The following THOC2 variants were observed in gnomAD, a reference collection of about 807,000 sequenced individuals.
The protein encoded by THOC2 is THO complex 2.
Under a neutral mutation model 128.4 loss-of-function variants are expected in THOC2, and 10 were observed. That is an observed-to-expected ratio of 0.08 (90% CI 0.05 to 0.13). The LOEUF is 0.13. Among genes scored for constraint, THOC2 ranks in the 10% least tolerant of loss-of-function variants. The probability of loss-of-function intolerance (pLI) is 1.00; values close to 1 mark genes in which losing one functional copy is unlikely to be tolerated. For missense variants in THOC2, 535 were observed against 1,155.7 expected (o/e 0.46, Z 7.79); for synonymous variants, 393 against 396.9 (o/e 0.99, Z 0.12).
chrX:123,704,863 AAAAAG>A (rs376537209), intron 3 of THOC2, among the ~76,000 whole-genome samples: 45 of 111,654 alleles, frequency 4.0e-4, no homozygotes, highest in African/African-American at 7.8e-4. Context: ...GTCTTGGAGA[AAAAAG>A]AAAAGAAAAG....
At chrX:123,715,457 G>T (rs2051364543) in intron 1 of THOC2, among the ~76,000 whole-genome samples, 1 of 110,618 alleles carries the variant, frequency 9.0e-6, no homozygotes, top group Non-Finnish European at 1.9e-5. Flanking sequence ...AAAGATTAGG[G>T]CAGAAACAAC....
intron 33 of THOC2, among the ~76,000 whole-genome samples, chrX:123,615,181 T>A (rs188423572): frequency 9.0e-6 from 1 of 111,609 alleles, no homozygotes; most frequent in African/African-American, 3.2e-5. Context: ...AACTACACAA[T>A]GCTAGATACA....
chrX:123,682,649 T>C (rs900899167), intron 8 of THOC2, among the ~76,000 whole-genome samples: 2 of 112,097 alleles, frequency 1.8e-5, no homozygotes, highest in African/African-American at 6.5e-5. Context: ...CTTATCTTGC[T>C]CTGTATTTTT....
chrX:123,720,487 T>C (rs990310809), intron 1 of THOC2, among the ~76,000 whole-genome samples: 15 of 111,683 alleles, frequency 1.3e-4, no homozygotes, highest in Non-Finnish European at 1.5e-4. Context: ...GCAATTGTTA[T>C]GAAAAACAGT....
intron 12 of THOC2, among the ~76,000 whole-genome samples, chrX:123,658,593 A>G (rs2048702004): frequency 8.9e-6 from 1 of 112,546 alleles, no homozygotes; most frequent in Admixed American, 9.5e-5. Context: ...GAAAGAAAAC[A>G]ATCTGAAAAG....
intron 8 of THOC2, among the ~76,000 whole-genome samples, chrX:123,680,591 C>T (rs180764469): frequency 1.8e-5 from 2 of 110,446 alleles, no homozygotes; most frequent in African/African-American, 6.6e-5. Context: ...TTCCACCTAA[C>T]GAAAAACACC....
chrX:123,691,408 G>T (rs2050217204), intron 7 of THOC2, among the ~76,000 whole-genome samples: 1 of 111,691 alleles, frequency 9.0e-6, no homozygotes, highest in Non-Finnish European at 1.9e-5. Flanking sequence ...AATAAGATGT[G>T]TCTAAGTTGA....
chrX:123,610,539 A>T (rs1286700972), intron 38 of THOC2, among the ~76,000 whole-genome samples: 3 of 112,005 alleles, frequency 2.7e-5, no homozygotes, highest in African/African-American at 9.7e-5. Context: ...ACCCTCTTCA[A>T]CTTAACCTCT....
intron 38 of THOC2, among the ~76,000 whole-genome samples, chrX:123,609,102 T>C (rs1380703661): frequency 8.9e-6 from 1 of 112,100 alleles, no homozygotes; most frequent in Non-Finnish European, 1.9e-5. Flanking sequence ...TCAGTGACAA[T>C]GGCTGGCTCA....
At chrX:123,708,183 T>C (rs181291832) in intron 2 of THOC2, among the ~76,000 whole-genome samples, 3 of 111,812 alleles carry the variant, frequency 2.7e-5, no homozygotes, top group African/African-American at 6.5e-5. Flanking sequence ...AAAATGTACA[T>C]AAATCCCCCC....
intron 22 of THOC2, among the ~76,000 whole-genome samples, chrX:123,628,368 T>C (rs1250070840): frequency 9.0e-6 from 1 of 111,262 alleles, no homozygotes; most frequent in African/African-American, 3.3e-5. Flanking sequence ...GGTCTTAACA[T>C]GAGAAAAGAG....
intron 4 of THOC2, 22 bp downstream of exon 4, chrX:123,703,432 G>C (rs748626694): frequency 1.9e-6 from 2 of 1,073,145 alleles, no homozygotes; most frequent in Non-Finnish European, 2.6e-6. Context: ...CATTACAGGT[G>C]AAATAAAGGC....
chrX:123,624,430 T>A, intron 26 of THOC2, 111 bp downstream of exon 26: 1 of 892,470 alleles, frequency 1.1e-6, no homozygotes, highest in Non-Finnish European at 1.5e-6. Context: ...AAACACAGTT[T>A]TACAACTGAA....
chrX:123,720,352 G>A (rs1453627423), intron 1 of THOC2, among the ~76,000 whole-genome samples: 1 of 111,026 alleles, frequency 9.0e-6, no homozygotes, highest in Non-Finnish European at 1.9e-5. Flanking sequence ...GGAGGCTGAG[G>A]CAGGAGAATC....
At chrX:123,613,321 A>T in intron 36 of THOC2, 78 bp downstream of exon 36, 5 of 1,056,304 alleles carry the variant, frequency 4.7e-6, no homozygotes, top group Non-Finnish European at 5.2e-6. Context: ...GACTAGGAAA[A>T]AAATTCAATA....
intron 11 of THOC2, among the ~76,000 whole-genome samples, chrX:123,666,565 T>C (rs1401275375): frequency 9.0e-6 from 1 of 111,607 alleles, no homozygotes; most frequent in Non-Finnish European, 1.9e-5. Context: ...ACAGCTGCTA[T>C]CAATACTGCT....
rs775722740 is a variant in THOC2 at position 123,634,447 on chromosome X, C to G, written c.2019-377G>C. On this transcript the variant is annotated intron_variant, in intron 19 of 38. Coordinates refer to ENST00000245838, the MANE Select transcript of THOC2 (RefSeq NM_001081550.2). ...ATAGTCACACACTCAATTTTTTAATCATTTGAGGGAAAATTATTTACATCA... is the reference window on the plus strand; with the variant it reads ...ATAGTCACACACTCAATTTTTTAATGATTTGAGGGAAAATTATTTACATCA... 3.6e-5 allele frequency among the ~76,000 whole-genome samples: 4 copies of G among 110,952 alleles called. No homozygotes were observed. In the East Asian group the frequency reaches 1.1e-3, roughly 31 times the overall value.
chrX:123,631,624 A>C, intron 22 of THOC2, 64 bp downstream of exon 22: 1 of 1,126,433 alleles, frequency 8.9e-7, no homozygotes, highest in Non-Finnish European at 1.2e-6. Flanking sequence ...ATGTACTTAC[A>C]GATAAAACCG....
At chrX:123,669,653 C>T (rs1318560096) in intron 9 of THOC2, among the ~76,000 whole-genome samples, 1 of 111,783 alleles carries the variant, frequency 8.9e-6, no homozygotes, top group African/African-American at 3.2e-5. Flanking sequence ...TTACAACTCC[C>T]TCTAATGGCC....
Sources: allele counts gnomAD v4.1 joint callset (sites outside exome capture counted in the v4.1 genomes callset), GRCh38; gene constraint gnomAD v4.1.1; transcripts MANE v1.5; gene names NCBI Gene and HGNC (gene_info 2026-07-23, HGNC 2026-07-21).